Variants in ZC3H7A observed in about 807,000 individuals in gnomAD.
The protein encoded by ZC3H7A is zinc finger CCCH-type containing 7A.
In ZC3H7A, 44 loss-of-function variants were observed where a neutral mutation model predicts 125.5. The observed-to-expected ratio is 0.35, with a 90% CI of 0.28 to 0.45. ZC3H7A has a LOEUF of 0.45. Among genes scored for constraint, ZC3H7A ranks in the 20% least tolerant of loss-of-function variants. ZC3H7A has a pLI of 1.00. For missense variants in ZC3H7A, 977 were observed against 1,170.7 expected (o/e 0.83, Z 2.41); for synonymous variants, 399 against 391.2 (o/e 1.02, Z -0.23).
chr16:11,752,854 T>C (rs2052575143), intron 21 of ZC3H7A, 22 bp from the exon 22 acceptor site: 3 of 1,606,878 alleles, frequency 1.9e-6, no homozygotes, highest in African/African-American at 2.7e-5. Flanking sequence ...CAAAGACACA[T>C]GTCCCATTAG....
Position 11,765,453 on chromosome 16 carries a change from A to T in ZC3H7A, c.1719+36T>A. The T allele has an allele frequency of 6.4e-7, 1 of 1,565,008 alleles. No homozygotes were observed. The highest frequency in any genetic ancestry group is 1.2e-5 in the South Asian group (1 of 84,896). ...ACAATACCACTGGGCTTGCAAATTCAACTTTACAGTGGAAAATAAGTTTTG... is the reference window on the plus strand; with the variant it reads ...ACAATACCACTGGGCTTGCAAATTCTACTTTACAGTGGAAAATAAGTTTTG... On this transcript the variant is annotated intron_variant, in intron 14 of 22. Transcript: ENST00000355758. This position sits in a 1 kb window ranked among gnomAD's most constrained non-coding sequence, Gnocchi z 4.8.
rs549650122 is a variant in ZC3H7A at position 11,764,463 on chromosome 16, C to T, written c.1820+590G>A. On this transcript the variant is annotated intron_variant, in intron 15 of 22. Coordinates refer to ENST00000355758, the MANE Select transcript of ZC3H7A (RefSeq NM_014153.4). ...ACTGGAGAGGCTGAGGCAGGAGAAT[C>T]GCTTGAACTCGGGAGGCGGAGGTTG... Among the ~76,000 whole-genome samples, 61 of 152,194 alleles carry T rather than the reference C, an allele frequency of 4.0e-4. 1 individual carries two copies. Among genetic ancestry groups the T allele is most frequent in the African/African-American group, 1.4e-3 (59 of 41,530 alleles).
intron 21 of ZC3H7A, among the ~76,000 whole-genome samples, chr16:11,754,893 C>CAAAAAA (rs35345665): frequency 1.6e-4 from 11 of 68,876 alleles, no homozygotes; most frequent in Admixed American, 1.9e-4. Context: ...CTCCGTCTCA[C>CAAAAAA]AAAAAAAAAA....
At chr16:11,777,832 C>G (rs913850505) in intron 4 of ZC3H7A, among the ~76,000 whole-genome samples, 1 of 151,404 alleles carries the variant, frequency 6.6e-6, no homozygotes, top group Non-Finnish European at 1.5e-5. Context: ...CCAGCCTGAC[C>G]GACATGGAGA....
chr16:11,753,337 A>G lies in ZC3H7A; in HGVS notation c.2563-505T>C, dbSNP rs112706011. ...TTAAGTGCTACAACAGATGCAAACT[A>G]TAAGTGTTGGATAGTATTTCCCAAA... On this transcript the variant is annotated intron_variant, in intron 21 of 22. Transcript: ENST00000355758. 4.1e-3 allele frequency among the ~76,000 whole-genome samples: 623 copies of G among 152,386 alleles called. 2 individuals are homozygous for G. The highest frequency in any genetic ancestry group is 0.014 in the African/African-American group (595 of 41,604).
intron 1 of ZC3H7A, among the ~76,000 whole-genome samples, chr16:11,788,073 T>C (rs1270470497): frequency 6.6e-6 from 1 of 152,098 alleles, no homozygotes; most frequent in African/African-American, 2.4e-5. Flanking sequence ...ACTGTTAAAA[T>C]CTAGCCTCAA....
rs1596402260 is a variant in ZC3H7A, at chr16:11,784,511, G to T, written c.-34-2123C>A. ...AGGCAGGAAGATCACTTGAGCCTAGGAGTTCAAGACCAACCTGGGCAACAC... is the reference window on the plus strand; with the variant it reads ...AGGCAGGAAGATCACTTGAGCCTAGTAGTTCAAGACCAACCTGGGCAACAC... On this transcript the variant is annotated intron_variant, in intron 1 of 22. Transcript: ENST00000355758. 2.0e-5 allele frequency among the ~76,000 whole-genome samples: 3 copies of T among 152,124 alleles called. No individual in the cohort carries two copies. In the East Asian group the frequency reaches 5.8e-4, roughly 29 times the overall value.
chr16:11,761,389 A>C lies in ZC3H7A; in HGVS notation c.2319+17T>G, dbSNP rs374796655. 3 of 1,609,558 alleles carry C rather than the reference A, an allele frequency of 1.9e-6. No homozygotes were observed. The highest frequency in any genetic ancestry group is 2.5e-6 in the Non-Finnish European group (3 of 1,177,442). On this transcript the variant is annotated intron_variant, in intron 19 of 22. Coordinates refer to ENST00000355758, the MANE Select transcript of ZC3H7A (RefSeq NM_014153.4). The stretch of plus-strand genomic sequence containing the variant: ...ATGCCTAATTTAAAAAAAGTGGCTT[A>C]AAAATTACGTATGTACATCAAACTG...
chr16:11,771,009 G>A (rs1232849841), intron 9 of ZC3H7A, 22 bp from the exon 10 acceptor site: 10 of 1,580,400 alleles, frequency 6.3e-6, no homozygotes, highest in Non-Finnish European at 7.7e-6. Flanking sequence ...AAAAAGATGT[G>A]ATTAAAATTC....
rs1274382715 is a variant in ZC3H7A, at chr16:11,750,621, C to T, written c.*696G>A. On this transcript the variant is annotated 3_prime_UTR_variant, in exon 23 of 23. Transcript: ENST00000355758. ...CTATATATAAAATCTTTATTACAGG[C>T]AGTATTGGTCCATACACTAACACAA... 1 of 152,524 alleles carries T rather than the reference C, an allele frequency of 6.6e-6. No individual in the cohort carries two copies. Among genetic ancestry groups the T allele is most frequent in the East Asian group, 1.9e-4 (1 of 5,200 alleles). 9.4% of individuals were successfully genotyped at this position (152,524 alleles called of 1,614,324 possible). A position where few individuals can be genotyped will look rare whatever the true frequency, so the allele number is the denominator to read the frequency against.
intron 17 of ZC3H7A, 77 bp downstream of exon 17, chr16:11,762,594 C>T: frequency 7.5e-7 from 1 of 1,334,774 alleles, no homozygotes; most frequent in Non-Finnish European, 1.1e-6. Flanking sequence ...GTGTTAACTG[C>T]ATCCACCAAC....
At chr16:11,774,119 A>T (rs1461336219) in intron 9 of ZC3H7A, 117 bp downstream of exon 9, 13 of 997,426 alleles carry the variant, frequency 1.3e-5, no homozygotes, top group Non-Finnish European at 1.2e-5. Context: ...TTTCAAGGTT[A>T]AAAAAACCCC....
At chr16:11,795,142 C>T (rs1596411028) in intron 1 of ZC3H7A, among the ~76,000 whole-genome samples, 1 of 152,256 alleles carries the variant, frequency 6.6e-6, no homozygotes, top group Middle Eastern at 3.4e-3. Flanking sequence ...GAAAATTTTT[C>T]AACAGGGAAA....
chr16:11,770,875 G>A lies in ZC3H7A; in HGVS notation c.1016C>T (p.Pro339Leu). Residue 339 changes from proline to leucine, a missense_variant, in exon 10 of 23, where the codon CCC becomes CTC. Physicochemically the swap from Pro to Leu is moderately conservative, Grantham distance 98. Coordinates refer to ENST00000355758, the MANE Select transcript of ZC3H7A (RefSeq NM_014153.4). ...LPIGARYAPP[P>L]SFSEFYPPLT... ...AGGTGGATAAAATTCTGAGAAGGAGGGTGGAGGAGCATACCTCGCACCAAT... is the reference window on the plus strand; with the variant it reads ...AGGTGGATAAAATTCTGAGAAGGAGAGTGGAGGAGCATACCTCGCACCAAT... The A allele has an allele frequency of 6.2e-7, 1 of 1,614,172 alleles. No homozygotes were observed. Among genetic ancestry groups the A allele is most frequent in the Non-Finnish European group, 8.5e-7 (1 of 1,180,028 alleles).
At position 11,751,431 on chromosome 16, in the gene ZC3H7A, T is replaced by C; in HGVS notation, c.2802A>G (p.Glu934=). The C allele has an allele frequency of 6.2e-7, 1 of 1,614,228 alleles. No homozygotes were observed. The highest frequency in any genetic ancestry group is 1.3e-5 in the African/African-American group (1 of 75,070). ...TCATCTTTAGGGCATCTCTTCTTTC[T>C]TCCCATTCATGAAGTTCGGCATTTC... ...AHGNAELHEW[E]ERRDALKMKL... is the part of the protein sequence containing the mutation. Residue 934 remains glutamate, a synonymous_variant, in exon 23 of 23, where the codon GAA becomes GAG. Coordinates refer to ENST00000355758, the MANE Select transcript of ZC3H7A (RefSeq NM_014153.4).
chr16:11,763,801 T>C (rs2052801748), intron 15 of ZC3H7A, 142 bp from the exon 16 acceptor site: 1 of 229,808 alleles, frequency 4.4e-6, no homozygotes, highest in Non-Finnish European at 6.8e-6. Flanking sequence ...TTTAAAATTT[T>C]TTTTTCTCTT....
At chr16:11,759,195 C>A (rs1276216879) in intron 19 of ZC3H7A, 1 of 152,058 alleles carries the variant, frequency 6.6e-6, no homozygotes, top group East Asian at 1.9e-4. Context: ...CGCAGACTTC[C>A]CTAAGAATTA....
intron 10 of ZC3H7A, 58 bp from the exon 11 acceptor site, chr16:11,769,153 TC>T: frequency 6.8e-7 from 1 of 1,474,382 alleles, no homozygotes; most frequent in Non-Finnish European, 9.3e-7. Context: ...AATAAGAACA[TC>T]AGGGCTTAGT....
chr16:11,778,710 TTTTTA>T (rs1447349776), intron 4 of ZC3H7A, among the ~76,000 whole-genome samples: 3 of 151,978 alleles, frequency 2.0e-5, no homozygotes, highest in South Asian at 2.1e-4. Context: ...AATTTTTATT[TTTTTA>T]TTTTATTTTA....
Sources: gnomAD v4.1 joint callset for allele counts (sites outside exome capture counted in the v4.1 genomes callset) on GRCh38, gnomAD v4.1.1 for gene constraint, Gnocchi (gnomAD v3.1) non-coding constraint, MANE v1.5 for transcripts, NCBI Gene and HGNC (gene_info 2026-07-23, HGNC 2026-07-21) for gene names.